Variants in PXDN observed in about 807,000 individuals in gnomAD.
PXDN encodes the protein peroxidasin homolog.
A neutral mutation model predicts 140.3 loss-of-function variants in PXDN; 77 were observed. The observed-to-expected ratio is 0.55, with a 90% confidence interval of 0.46 to 0.66. The LOEUF (loss-of-function observed/expected upper bound fraction) is 0.66. Among genes scored for constraint, PXDN ranks in the 30% least tolerant of loss-of-function variants. PXDN has a pLI of 0.00. For missense variants in PXDN, 1,838 were observed against 2,039.5 expected (o/e 0.90, Z 1.90); for synonymous variants, 911 against 857.4 (o/e 1.06, Z -1.09).
At chr2:1,736,896 G>A (rs530881378) in intron 1 of PXDN, among the ~76,000 whole-genome samples, 24 of 152,346 alleles carry the variant, frequency 1.6e-4, no homozygotes, top group African/African-American at 5.8e-4. Flanking sequence ...TCAGGTAACA[G>A]TCACTGGTCA....
At chr2:1,705,064 TAA>T (rs1254527055) in intron 1 of PXDN, among the ~76,000 whole-genome samples, 2 of 152,206 alleles carry the variant, frequency 1.3e-5, no homozygotes, top group South Asian at 4.1e-4. Context: ...ACAACAGTAC[TAA>T]GAGCTCAACC....
chr2:1,708,487 A>T (rs1190307119), intron 1 of PXDN, among the ~76,000 whole-genome samples: 1 of 152,170 alleles, frequency 6.6e-6, no homozygotes, highest in South Asian at 2.1e-4. Context: ...TAGAATGACA[A>T]AAGTCATAAG....
At chr2:1,712,204 AAATTGAAAGGAAGAACTACATTAT>A (rs1287665291) in intron 1 of PXDN, among the ~76,000 whole-genome samples, 2 of 152,240 alleles carry the variant, frequency 1.3e-5, no homozygotes, top group African/African-American at 4.8e-5. Context: ...AAGTACTGAC[AAATTGAAAGGAAGAACTACATTAT>A]AATTTTTATT....
intron 9 of PXDN, among the ~76,000 whole-genome samples, chr2:1,667,445 C>T (rs115508116): frequency 4.3e-4 from 65 of 152,136 alleles, no homozygotes; most frequent in Non-Finnish European, 3.8e-4. Context: ...TGGAAGAAAG[C>T]GGTAAATTCC....
intron 2 of PXDN, 26 bp downstream of exon 2, chr2:1,693,037 G>C: frequency 6.7e-7 from 1 of 1,502,632 alleles, no homozygotes; most frequent in East Asian, 2.4e-5. Context: ...TTTTCTATTA[G>C]TTTCCAATAG....
At chr2:1,642,525 G>A (rs942246222) in intron 19 of PXDN, among the ~76,000 whole-genome samples, 1 of 152,190 alleles carries the variant, frequency 6.6e-6, no homozygotes, top group African/African-American at 2.4e-5. Flanking sequence ...CACGCTCACC[G>A]CAGGTCCCCA....
At chr2:1,634,548 C>T (rs560301090) in intron 22 of PXDN, among the ~76,000 whole-genome samples, 15 of 152,302 alleles carry the variant, frequency 9.8e-5, no homozygotes, top group African/African-American at 3.4e-4. Context: ...CATAACAAGT[C>T]TCCCTGAGGC....
chr2:1,674,263 G>A (rs923540312), intron 8 of PXDN, among the ~76,000 whole-genome samples: 7 of 152,182 alleles, frequency 4.6e-5, no homozygotes, highest in African/African-American at 1.4e-4. Context: ...AGGCTGGAGC[G>A]CAGCGGTATA....
At chr2:1,712,434 C>A (rs1172403324) in intron 1 of PXDN, among the ~76,000 whole-genome samples, 1 of 152,152 alleles carries the variant, frequency 6.6e-6, no homozygotes, top group East Asian at 1.9e-4. Flanking sequence ...TTATAATCAG[C>A]CTATAGAGAG....
At chr2:1,721,809 G>A (rs1437787386) in intron 1 of PXDN, among the ~76,000 whole-genome samples, 3 of 139,886 alleles carry the variant, frequency 2.1e-5, no homozygotes, top group African/African-American at 5.1e-5. Flanking sequence ...GAGAGACTCC[G>A]TCTCAAAATA....
rs145170090 is a variant in PXDN at position 1,674,864 on chromosome 2, C to T, written c.849-1052G>A. Among the ~76,000 whole-genome samples, 480 of 152,268 alleles carry T rather than the reference C, an allele frequency of 3.2e-3. 1 individual carries two copies. The highest frequency in any genetic ancestry group is 9.5e-3 in the African/African-American group (396 of 41,566). The stretch of plus-strand genomic sequence containing the variant: ...AGTGCACGAGATTCATCACCTTCCA[C>T]GCGAGTTTCCTAAGGAGCCTGTGCA... On this transcript the variant is annotated intron_variant, in intron 8 of 22. Transcript: ENST00000252804.
chr2:1,730,169 C>A (rs1030307), intron 1 of PXDN, among the ~76,000 whole-genome samples: 1 of 152,106 alleles, frequency 6.6e-6, no homozygotes, highest in Non-Finnish European at 1.5e-5. Flanking sequence ...ATTTGTTTCA[C>A]TTTGTTCCTG....
At chr2:1,675,739 C>T (rs1356636131) in intron 8 of PXDN, among the ~76,000 whole-genome samples, 4 of 148,922 alleles carry the variant, frequency 2.7e-5, no homozygotes, top group African/African-American at 7.6e-5. Context: ...AAGCCCAGCC[C>T]GGTTTGCCTC....
chr2:1,732,794 A>C (rs1184234216), intron 1 of PXDN, among the ~76,000 whole-genome samples: 1 of 152,216 alleles, frequency 6.6e-6, no homozygotes, highest in African/African-American at 2.4e-5. Flanking sequence ...GAGAAGATTA[A>C]ATTATTCAAT....
intron 8 of PXDN, among the ~76,000 whole-genome samples, 186 bp downstream of exon 8, chr2:1,676,741 A>G (rs1683726737): frequency 1.3e-5 from 2 of 152,224 alleles, no homozygotes; most frequent in Admixed American, 6.5e-5. Context: ...AGCCTGGCAG[A>G]AACGTCGTCA....
rs61054802 is a variant in PXDN at position 1,645,063 on chromosome 2, C to T, written c.3609-311G>A. 0.02 allele frequency among the ~76,000 whole-genome samples: 3,105 copies of T among 152,120 alleles called. 95 individuals are homozygous for T. The highest frequency in any genetic ancestry group is 0.07 in the African/African-American group (2,912 of 41,482). On this transcript the variant is annotated intron_variant, in intron 17 of 22. Coordinates refer to ENST00000252804, the MANE Select transcript of PXDN (RefSeq NM_012293.3). ...TTCCAACTATTCAGGGATAACCACA[C>T]GTAACATCATAATGTATACCCTTCC...
chr2:1,742,251 G>A (rs779397962), intron 1 of PXDN, among the ~76,000 whole-genome samples: 1 of 152,180 alleles, frequency 6.6e-6, no homozygotes, highest in Non-Finnish European at 1.5e-5. Flanking sequence ...AAAGTGTTTA[G>A]TTCTATAAGG....
At chr2:1,643,693 G>T in intron 18 of PXDN, 117 bp from the exon 19 acceptor site, 2 of 1,039,646 alleles carry the variant, frequency 1.9e-6, no homozygotes, top group Middle Eastern at 2.1e-4. Context: ...CACTAGGTTT[G>T]ATTAGGTGTC....
At chr2:1,640,886 C>T (rs923972125) in intron 19 of PXDN, among the ~76,000 whole-genome samples, 5 of 152,170 alleles carry the variant, frequency 3.3e-5, no homozygotes, top group African/African-American at 7.2e-5. Flanking sequence ...CCTGCCAAAG[C>T]GCACACCAGC....
Sources: allele counts gnomAD v4.1 joint callset (sites outside exome capture counted in the v4.1 genomes callset), GRCh38; gene constraint gnomAD v4.1.1; transcripts MANE v1.5; gene names NCBI Gene and HGNC (gene_info 2026-07-23, HGNC 2026-07-21).